Variants in LUZP2 observed in about 807,000 individuals in gnomAD.
LUZP2 encodes the protein leucine zipper protein 2.
Under a neutral mutation model 51.6 loss-of-function variants are expected in LUZP2, and 52 were observed. The ratio of observed to expected loss-of-function variants is 1.01; its 90% confidence interval spans 0.81 to 1.27. The LOEUF is 1.27. Ranked by LOEUF, LUZP2 falls within the 50% of genes most tolerant of loss-of-function variation. The pLI, the probability that LUZP2 is intolerant of heterozygous loss-of-function variation, is 0.00. For synonymous variants in LUZP2, 154 were observed against 137.3 expected (o/e 1.12, Z -0.85); for missense variants, 436 against 395.4 (o/e 1.10, Z -0.87).
intron 5 of LUZP2, among the ~76,000 whole-genome samples, chr11:24,841,809 G>T (rs911668297): frequency 8.6e-5 from 13 of 152,024 alleles, no homozygotes; most frequent in African/African-American, 3.1e-4. Context: ...CTGTACTCAC[G>T]GTGCAAGTAT....
At chr11:25,024,989 C>A (rs113003156) in intron 9 of LUZP2, among the ~76,000 whole-genome samples, 1 of 151,152 alleles carries the variant, frequency 6.6e-6, no homozygotes, top group Non-Finnish European at 1.5e-5. Flanking sequence ...AGAAATAATA[C>A]CACACATCTA....
intron 1 of LUZP2, among the ~76,000 whole-genome samples, chr11:24,650,696 A>G (rs1855599914): frequency 6.6e-6 from 1 of 152,062 alleles, no homozygotes; most frequent in Non-Finnish European, 1.5e-5. Context: ...ATCCCGTGAG[A>G]TTTCGATCTA....
chr11:25,033,101 G>C (rs1478235610), intron 9 of LUZP2, among the ~76,000 whole-genome samples: 1 of 152,130 alleles, frequency 6.6e-6, no homozygotes, highest in Non-Finnish European at 1.5e-5. Context: ...AGCTACTTCA[G>C]GTTACAGCCA....
At chr11:24,589,678 A>C (rs754810034) in intron 1 of LUZP2, among the ~76,000 whole-genome samples, 1 of 152,188 alleles carries the variant, frequency 6.6e-6, no homozygotes, top group Non-Finnish European at 1.5e-5. Flanking sequence ...AACCATGTGC[A>C]GTAGATACAT....
At chr11:25,029,974 A>G (rs1396011790) in intron 9 of LUZP2, among the ~76,000 whole-genome samples, 2 of 152,130 alleles carry the variant, frequency 1.3e-5, no homozygotes, top group Admixed American at 1.3e-4. Flanking sequence ...ATAACATAAT[A>G]AAACAAGCAC....
chr11:24,694,051 G>A (rs1307166645), intron 1 of LUZP2, among the ~76,000 whole-genome samples: 1 of 151,856 alleles, frequency 6.6e-6, no homozygotes, highest in Non-Finnish European at 1.5e-5. Context: ...AAAATAAAGT[G>A]GCCATAAAAT....
chr11:25,017,029 G>A (rs750821855), intron 9 of LUZP2, among the ~76,000 whole-genome samples: 1 of 152,012 alleles, frequency 6.6e-6, no homozygotes, highest in Non-Finnish European at 1.5e-5. Context: ...GATTAGTGAT[G>A]CTGAGGATTT....
At chr11:24,920,178 T>C (rs1239507287) in intron 7 of LUZP2, among the ~76,000 whole-genome samples, 1 of 152,008 alleles carries the variant, frequency 6.6e-6, no homozygotes, top group African/African-American at 2.4e-5. Flanking sequence ...TCTGTTGAGA[T>C]ACATAATGGC....
At chr11:24,801,423 G>A (rs1293793879) in intron 5 of LUZP2, among the ~76,000 whole-genome samples, 1 of 151,922 alleles carries the variant, frequency 6.6e-6, no homozygotes, top group Non-Finnish European at 1.5e-5. Flanking sequence ...TGTGTTTGGA[G>A]GAAATCGTGT....
rs542666275 is a variant in LUZP2 at position 24,655,173 on chromosome 11, G to A, written c.63-73996G>A. On this transcript the variant is annotated intron_variant, in intron 1 of 11. Transcript: ENST00000336930. The stretch of plus-strand genomic sequence containing the variant: ...ATCTTTGTTTCTATTTTACACTGGT[G>A]TAATTAAGACTTTGGGCTTATTTGT... 5.5e-4 allele frequency among the ~76,000 whole-genome samples: 84 copies of A among 152,120 alleles called. 1 individual carries two copies. Among genetic ancestry groups the A allele is most frequent in the Non-Finnish European group, 1.2e-3 (79 of 68,030 alleles).
chr11:24,847,231 C>T (rs1026648525), intron 5 of LUZP2, among the ~76,000 whole-genome samples: 5 of 151,242 alleles, frequency 3.3e-5, no homozygotes, highest in African/African-American at 1.2e-4. Context: ...GTCCCATTTA[C>T]AGTTCACTAT....
intron 10 of LUZP2, among the ~76,000 whole-genome samples, chr11:25,064,882 G>A (rs1056864982): frequency 2.0e-5 from 3 of 151,856 alleles, no homozygotes; most frequent in South Asian, 2.1e-4. Flanking sequence ...TTGTGACTTC[G>A]CGAATTTCTA....
At chr11:24,830,098 A>G (rs1850653788) in intron 5 of LUZP2, among the ~76,000 whole-genome samples, 1 of 64,316 alleles carries the variant, frequency 1.6e-5, no homozygotes, top group Non-Finnish European at 3.5e-5. Flanking sequence ...TGAAATACAA[A>G]TTTTGTCAGA....
chr11:24,995,204 G>T (rs980152913), intron 9 of LUZP2, among the ~76,000 whole-genome samples: 2 of 152,034 alleles, frequency 1.3e-5, no homozygotes, highest in Non-Finnish European at 2.9e-5. Flanking sequence ...ACCAGCCTGG[G>T]CAACACGGCT....
At chr11:24,836,552 G>T (rs4923213) in intron 5 of LUZP2, among the ~76,000 whole-genome samples, 24,551 of 151,678 alleles carry the variant, frequency 0.16, 2,036 homozygotes, top group South Asian at 0.22. Flanking sequence ...TGTGCCATTT[G>T]ATAGCAGTGA....
chr11:24,579,871 C>G (rs1852788897), intron 1 of LUZP2, among the ~76,000 whole-genome samples: 1 of 152,092 alleles, frequency 6.6e-6, no homozygotes, highest in Non-Finnish European at 1.5e-5. Flanking sequence ...CTGATACTGT[C>G]TTTATCCCAG....
intron 7 of LUZP2, among the ~76,000 whole-genome samples, chr11:24,975,506 C>A (rs1228613951): frequency 6.6e-6 from 1 of 151,956 alleles, no homozygotes; most frequent in South Asian, 2.1e-4. Context: ...CAGTGCCTGG[C>A]ATAGTGAAGA....
chr11:25,044,253 GTGTGTATATATATATATATATATATA>G (rs1858215302), intron 9 of LUZP2, among the ~76,000 whole-genome samples: 1 of 31,822 alleles, frequency 3.1e-5, no homozygotes, highest in Admixed American at 3.1e-4. Context: ...GTGTGTGTGT[GTGTGTATATATATATATATATATATA>G]TATATATATA....
At chr11:24,605,315 CA>C (rs1166750048) in intron 1 of LUZP2, among the ~76,000 whole-genome samples, 1 of 151,526 alleles carries the variant, frequency 6.6e-6, no homozygotes, top group Non-Finnish European at 1.5e-5. Context: ...AAATTAAATA[CA>C]AATAAAAGAA....
Sources: gnomAD v4.1 joint callset for allele counts (sites outside exome capture counted in the v4.1 genomes callset) on GRCh38, gnomAD v4.1.1 for gene constraint, MANE v1.5 for transcripts, NCBI Gene and HGNC (gene_info 2026-07-23, HGNC 2026-07-21) for gene names.